TMEM117: variants seen among roughly 807,000 people sequenced by gnomAD.
TMEM117 encodes the protein transmembrane protein 117.
A neutral mutation model predicts 52.4 loss-of-function variants in TMEM117; 27 were observed. The observed-to-expected ratio is 0.51, with a 90% CI of 0.38 to 0.71. TMEM117 has a LOEUF of 0.71. Among genes scored for constraint, TMEM117 ranks in the 30% least tolerant of loss-of-function variants. The pLI, the probability that TMEM117 is intolerant of heterozygous loss-of-function variation, is 0.00. For missense variants in TMEM117, 556 were observed against 630.5 expected (o/e 0.88, Z 1.26); for synonymous variants, 215 against 206.3 (o/e 1.04, Z -0.36).
chr12:43,874,455 G>A (rs1943758597), intron 2 of TMEM117, among the ~76,000 whole-genome samples: 1 of 151,978 alleles, frequency 6.6e-6, no homozygotes, highest in South Asian at 2.1e-4. Context: ...GCCAGGCCTG[G>A]TGGCAGGCAC....
intron 3 of TMEM117, among the ~76,000 whole-genome samples, chr12:44,062,689 C>T (rs992676550): frequency 3.9e-5 from 6 of 152,166 alleles, no homozygotes; most frequent in African/African-American, 1.4e-4. Flanking sequence ...TTCCCTAGAC[C>T]ACAGTGGATT....
intron 3 of TMEM117, among the ~76,000 whole-genome samples, chr12:44,128,154 T>C (rs1027564768): frequency 2.0e-5 from 3 of 152,256 alleles, no homozygotes; most frequent in African/African-American, 7.2e-5. Flanking sequence ...GCCTGCCTGC[T>C]GCACTGGGCA....
chr12:43,806,294 C>T, the TMEM117 span: 1 of 1,441,662 alleles, frequency 6.9e-7, no homozygotes, highest in Non-Finnish European at 9.2e-7. Flanking sequence ...AGCCAGCGGC[C>T]CCGGCCGGCG....
chr12:43,813,445 A>G, the TMEM117 span, among the ~76,000 whole-genome samples: 1 of 151,534 alleles, frequency 6.6e-6, no homozygotes, highest in Admixed American at 6.6e-5. Flanking sequence ...GGGTTTCACC[A>G]TGTTGGTTAG....
intron 2 of TMEM117, among the ~76,000 whole-genome samples, chr12:43,908,789 A>G (rs1361501551): frequency 2.6e-5 from 4 of 151,474 alleles, no homozygotes; most frequent in Non-Finnish European, 2.9e-5. Flanking sequence ...TTCAACAAGA[A>G]GAGCTAACTA....
At chr12:44,393,042 T>G (rs142809327), downstream of TMEM117, among the ~76,000 whole-genome samples, 27 of 152,256 alleles carry the variant, frequency 1.8e-4, no homozygotes, top group African/African-American at 6.0e-4. Context: ...AGAGAGAGAT[T>G]CTGAAAAAAT....
intron 6 of TMEM117, among the ~76,000 whole-genome samples, chr12:44,300,424 T>C (rs1950824956): frequency 6.6e-6 from 1 of 152,014 alleles, no homozygotes; most frequent in South Asian, 2.1e-4. Flanking sequence ...TTAGACATTT[T>C]CTTATTGCTT....
intron 6 of TMEM117, among the ~76,000 whole-genome samples, chr12:44,315,727 G>A (rs568624958): frequency 3.3e-5 from 5 of 152,228 alleles, no homozygotes; most frequent in South Asian, 4.1e-4. Context: ...TATTATTAAT[G>A]TGGGTGCTCC....
chr12:44,039,260 A>G (rs1404390277), intron 3 of TMEM117, among the ~76,000 whole-genome samples: 2 of 152,066 alleles, frequency 1.3e-5, no homozygotes, highest in Non-Finnish European at 2.9e-5. Context: ...TATCTCTGGC[A>G]TATCAATTTT....
At chr12:44,218,102 T>A (rs944196473) in intron 5 of TMEM117, among the ~76,000 whole-genome samples, 1 of 152,112 alleles carries the variant, frequency 6.6e-6, no homozygotes, top group African/African-American at 2.4e-5. Flanking sequence ...CACATGCCTG[T>A]AATCCCATCT....
intron 4 of TMEM117, among the ~76,000 whole-genome samples, chr12:44,176,842 A>G (rs1949122556): frequency 6.6e-6 from 1 of 152,136 alleles, no homozygotes; most frequent in Admixed American, 6.5e-5. Context: ...CTCTCTCTAT[A>G]TATAAATGTC....
chr12:44,178,471 G>A (rs1356337058), intron 4 of TMEM117, among the ~76,000 whole-genome samples: 1 of 151,950 alleles, frequency 6.6e-6, no homozygotes, highest in Admixed American at 6.6e-5. Flanking sequence ...GTCACCTGCA[G>A]GTTTGATATG....
At chr12:44,355,086 A>G (rs1160784121) in intron 6 of TMEM117, among the ~76,000 whole-genome samples, 2 of 152,058 alleles carry the variant, frequency 1.3e-5, no homozygotes, top group Non-Finnish European at 2.9e-5. Flanking sequence ...TTTTATTATT[A>G]TTTCCAAAGG....
At chr12:44,118,413 GT>G (rs1445527880) in intron 3 of TMEM117, among the ~76,000 whole-genome samples, 2 of 152,154 alleles carry the variant, frequency 1.3e-5, no homozygotes, top group Non-Finnish European at 2.9e-5. Flanking sequence ...AGAAGAGGAA[GT>G]GATATTGGAG....
At chr12:43,894,047 C>T (rs1358705) in intron 2 of TMEM117, among the ~76,000 whole-genome samples, 109,044 of 152,132 alleles carry the variant, frequency 0.72, 42,184 homozygotes, top group East Asian at 0.87. Flanking sequence ...TCTTAAAGGC[C>T]AGGTCTGGAA....
intron 4 of TMEM117, among the ~76,000 whole-genome samples, chr12:44,152,964 C>T (rs1592563263): frequency 6.7e-6 from 1 of 150,308 alleles, no homozygotes; most frequent in South Asian, 2.1e-4. Flanking sequence ...TACACACACA[C>T]ATATTTTAGA....
chr12:44,264,209 C>T (rs1224736865), intron 5 of TMEM117, among the ~76,000 whole-genome samples: 1 of 152,050 alleles, frequency 6.6e-6, no homozygotes, highest in Non-Finnish European at 1.5e-5. Context: ...TGTTTTTCAT[C>T]TTTGTTGTTT....
At chr12:43,816,463 G>A in the TMEM117 span, among the ~76,000 whole-genome samples, 4 of 151,412 alleles carry the variant, frequency 2.6e-5, no homozygotes, top group East Asian at 7.8e-4. Context: ...CTCACCTTCT[G>A]TCCACTACCC....
At chr12:44,106,578 C>CAATAATATAT (rs1399688326) in intron 3 of TMEM117, among the ~76,000 whole-genome samples, 6 of 151,912 alleles carry the variant, frequency 3.9e-5, no homozygotes, top group Admixed American at 3.9e-4. Context: ...AGCATAGTAA[C>CAATAATATAT]TGTATTTAAC....
Sources: gnomAD v4.1 joint callset for allele counts (sites outside exome capture counted in the v4.1 genomes callset) on GRCh38, gnomAD v4.1.1 for gene constraint, MANE v1.5 for transcripts, NCBI Gene and HGNC (gene_info 2026-07-23, HGNC 2026-07-21) for gene names.